IHO1: variants seen among roughly 807,000 people sequenced by gnomAD.
The protein encoded by IHO1 is interactor of HORMAD1 1, also known as interactor of HORMAD1 protein 1.
In IHO1, 13 loss-of-function variants were observed where a neutral mutation model predicts 31.0. The ratio of observed to expected loss-of-function variants is 0.42; its 90% CI spans 0.27 to 0.67. IHO1 has a LOEUF of 0.67. IHO1 is among the 30% of genes least tolerant of loss of function. The pLI is 0.24. For missense variants in IHO1, 599 were observed against 687.5 expected (o/e 0.87, Z 1.44); for synonymous variants, 221 against 248.4 (o/e 0.89, Z 1.04).
intron 2 of IHO1, among the ~76,000 whole-genome samples, chr3:49,220,615 T>A (rs1460016875): frequency 1.3e-5 from 2 of 152,150 alleles, no homozygotes; most frequent in African/African-American, 4.8e-5. Context: ...ATGACTGTAA[T>A]CCCAGCACTT....
At chr3:49,242,983 TTATTTCA>T (rs1307946728) in intron 4 of IHO1, among the ~76,000 whole-genome samples, 27 of 152,126 alleles carry the variant, frequency 1.8e-4, no homozygotes, top group Non-Finnish European at 4.4e-5. Context: ...GTTGTACAGA[TTATTTCA>T]TCACCCAGGT....
chr3:49,221,210 T>C (rs2046351824), intron 2 of IHO1, among the ~76,000 whole-genome samples: 1 of 152,220 alleles, frequency 6.6e-6, no homozygotes, highest in African/African-American at 2.4e-5. Flanking sequence ...ATCCTTTAGC[T>C]AGACACAGAG....
chr3:49,235,227 A>G lies in IHO1; in HGVS notation c.57-1321A>G, dbSNP rs188221979. ...CTCAAAATCCCATGTGATTATATAT[A>G]AATCTTTTTTTTTTTTTTTTGAGGA... On this transcript the variant is annotated intron_variant, in intron 2 of 7. Coordinates refer to ENST00000452691, the MANE Select transcript of IHO1 (RefSeq NM_001135197.2). Among the ~76,000 whole-genome samples the G allele has an allele frequency of 1.6e-3, 234 of 150,200 alleles. 1 individual carries two copies. The highest frequency in any genetic ancestry group is 6.9e-3 in the Middle Eastern group (2 of 288).
chr3:49,212,126 T>C (rs1295097196), intron 2 of IHO1, among the ~76,000 whole-genome samples: 2 of 140,218 alleles, frequency 1.4e-5, no homozygotes, highest in African/African-American at 5.4e-5. Flanking sequence ...ATTGCGCCAC[T>C]GCACTCCAGC....
In IHO1 at chr3:49,204,226, T is replaced by C. The variant is rs550311878; in HGVS notation, c.-16+4653T>C. ...CTACCTCTTAATACTATCACAATGGTAATTAAATTTCAACATAAGTTTTTG... is the reference window on the plus strand; with the variant it reads ...CTACCTCTTAATACTATCACAATGGCAATTAAATTTCAACATAAGTTTTTG... On this transcript the variant is annotated intron_variant, in intron 1 of 7. Transcript: ENST00000452691. Among the ~76,000 whole-genome samples the C allele has an allele frequency of 5.3e-5, 8 of 152,266 alleles. No homozygotes were observed. The South Asian group carries it at 1.5e-3, about 28-fold the overall frequency.
intron 2 of IHO1, among the ~76,000 whole-genome samples, chr3:49,215,195 C>A (rs916676356): frequency 2.6e-5 from 4 of 152,040 alleles, no homozygotes; most frequent in African/African-American, 9.7e-5. Flanking sequence ...GGATTACAGG[C>A]ATGCACCACC....
At position 49,208,194 on chromosome 3, in the gene IHO1, G is replaced by A. The variant is rs561096945; in HGVS notation, c.-15-3572G>A. 6.6e-4 allele frequency among the ~76,000 whole-genome samples: 100 copies of A among 152,288 alleles called. 2 individuals are homozygous for A. In the South Asian group the frequency reaches 0.02, roughly 31 times the overall value. ...ACAGTTATTTCTTTCTGCCACTGTG[G>A]AATAAGCAGACCTCCATTACAATGC... is the stretch of plus-strand genomic sequence containing the variant. On this transcript the variant is annotated intron_variant, in intron 1 of 7. Transcript: ENST00000452691.
At chr3:49,249,116 C>G (rs1175317910) in intron 6 of IHO1, among the ~76,000 whole-genome samples, 1 of 152,154 alleles carries the variant, frequency 6.6e-6, no homozygotes, top group Non-Finnish European at 1.5e-5. Flanking sequence ...CCAGAAGGGT[C>G]ACTGTGGCCA....
At chr3:49,232,243 C>G (rs1404961805) in intron 2 of IHO1, among the ~76,000 whole-genome samples, 1 of 152,196 alleles carries the variant, frequency 6.6e-6, no homozygotes, top group African/African-American at 2.4e-5. Context: ...AAGGATGAAT[C>G]TCTCCCTGAA....
intron 6 of IHO1, among the ~76,000 whole-genome samples, chr3:49,251,287 ATTT>A (rs1190363805): frequency 1.6e-5 from 2 of 122,794 alleles, no homozygotes; most frequent in Non-Finnish European, 3.5e-5. Flanking sequence ...TGCCTGGCTA[ATTT>A]TTTTTTTTTT....
intron 2 of IHO1, among the ~76,000 whole-genome samples, chr3:49,220,721 AGCCGGGCGTGGTG>A (rs1465670568): frequency 3.3e-5 from 5 of 152,124 alleles, no homozygotes. Context: ...ATAAAAAATT[AGCCGGGCGTGGTG>A]GTGGGCACCT....
chr3:49,200,492 A>AG, intron 1 of IHO1: 1 of 738,364 alleles, frequency 1.4e-6, no homozygotes, highest in Non-Finnish European at 1.6e-6. Context: ...AGAAAGAAAG[A>AG]AAGAAAGAAA....
intron 2 of IHO1, among the ~76,000 whole-genome samples, chr3:49,212,081 G>A (rs894066523): frequency 2.0e-5 from 3 of 150,672 alleles, no homozygotes; most frequent in Admixed American, 6.6e-5. Flanking sequence ...GGAGAATGGC[G>A]TGAACCTGGG....
At chr3:49,226,427 G>T (rs1449410353) in intron 2 of IHO1, among the ~76,000 whole-genome samples, 1 of 152,190 alleles carries the variant, frequency 6.6e-6, no homozygotes, top group Non-Finnish European at 1.5e-5. Flanking sequence ...GCGCGAGGAA[G>T]GCAGAAGGAT....
Position 49,214,632 on chromosome 3 carries a change from A to ATTT in IHO1, c.56+2818_56+2820dup, listed in dbSNP as rs3083884. 2.3e-3 allele frequency among the ~76,000 whole-genome samples: 12 copies of ATTT among 5,192 alleles called. 2 individuals are homozygous for ATTT. Among genetic ancestry groups the ATTT allele is most frequent in the African/African-American group, 4.6e-3 (7 of 1,534 alleles). 3.4% of individuals were successfully genotyped at this position (5,192 alleles called of 152,430 possible). ...CATATATATATATATATATATATATATTTTTTTTTTTTTTTTTTTTTTTTG... is the reference window on the plus strand; with the variant it reads ...CATATATATATATATATATATATATATTTTTTTTTTTTTTTTTTTTTTTTTTTG... On this transcript the variant is annotated intron_variant, in intron 2 of 7. Transcript: ENST00000452691.
At chr3:49,230,293 G>A (rs562955464) in intron 2 of IHO1, among the ~76,000 whole-genome samples, 49 of 152,256 alleles carry the variant, frequency 3.2e-4, no homozygotes, top group Non-Finnish European at 6.2e-4. Context: ...TCAGTTACAC[G>A]ACCTATGGGG....
At chr3:49,238,139 G>C (rs1488802758) in intron 3 of IHO1, among the ~76,000 whole-genome samples, 1 of 151,928 alleles carries the variant, frequency 6.6e-6, no homozygotes, top group East Asian at 1.9e-4. Flanking sequence ...CCTAACCTCA[G>C]ATGATCTGCT....
intron 2 of IHO1, among the ~76,000 whole-genome samples, chr3:49,226,503 C>T (rs2046418771): frequency 6.6e-6 from 1 of 152,154 alleles, no homozygotes; most frequent in Admixed American, 6.5e-5. Context: ...CCTAATTCTC[C>T]TTAGTCCTTC....
intron 1 of IHO1, among the ~76,000 whole-genome samples, chr3:49,201,056 C>T (rs1478816396): frequency 1.3e-5 from 2 of 151,498 alleles, no homozygotes; most frequent in Admixed American, 1.3e-4. Context: ...TGCAGTGGCA[C>T]GATCTCTGCT....
Sources: gnomAD v4.1 joint callset for allele counts (sites outside exome capture counted in the v4.1 genomes callset) on GRCh38, gnomAD v4.1.1 for gene constraint, MANE v1.5 for transcripts, NCBI Gene and HGNC (gene_info 2026-07-23, HGNC 2026-07-21) for gene names.